The following KCND2 variants were observed in gnomAD, a reference collection of about 807,000 sequenced individuals.
KCND2 encodes the protein A-type voltage-gated potassium channel KCND2.
KCND2 carries 16 observed loss-of-function variants against 54.4 expected under a neutral mutation model. That is an observed-to-expected ratio of 0.29 (90% CI 0.20 to 0.45). The LOEUF (loss-of-function observed/expected upper bound fraction) is 0.45, where lower values mean the gene tolerates loss of function less well. Ranked by LOEUF, KCND2 falls within the 20% of genes least tolerant of loss-of-function variation. The probability of loss-of-function intolerance (pLI) is 1.00; values close to 1 mark genes in which losing one functional copy is unlikely to be tolerated. For missense variants in KCND2, 486 were observed against 824.2 expected (o/e 0.59, Z 5.02); for synonymous variants, 317 against 310.7 (o/e 1.02, Z -0.21).
intron 1 of KCND2, among the ~76,000 whole-genome samples, chr7:120,718,149 C>G (rs1377210950): frequency 2.6e-5 from 4 of 152,070 alleles, no homozygotes; most frequent in Non-Finnish European, 5.9e-5. Context: ...TTCACTTACC[C>G]CAAAGATGTA....
intron 1 of KCND2, among the ~76,000 whole-genome samples, chr7:120,429,118 G>A (rs1425907634): frequency 2.0e-5 from 3 of 152,188 alleles, no homozygotes; most frequent in Admixed American, 6.5e-5. Context: ...CAAACTCACG[G>A]TGTGGTACAC....
At chr7:120,434,480 T>C (rs956944184) in intron 1 of KCND2, among the ~76,000 whole-genome samples, 1 of 152,218 alleles carries the variant, frequency 6.6e-6, no homozygotes, top group Non-Finnish European at 1.5e-5. Flanking sequence ...GCACTCTGTC[T>C]CCGCTCCAGA....
intron 1 of KCND2, among the ~76,000 whole-genome samples, chr7:120,593,533 G>A (rs1331502720): frequency 6.6e-6 from 1 of 152,070 alleles, no homozygotes; most frequent in East Asian, 1.9e-4. Context: ...CCACCTCCTA[G>A]CTACAAACCG....
chr7:120,406,268 C>T lies in KCND2; in HGVS notation c.1115+130521C>T, dbSNP rs181623771. ...AATTCAAAGTGGTGTATTTAAAATA[C>T]ACACTTTTCTTCTAGTAATCTCAAA... On this transcript the variant is annotated intron_variant, in intron 1 of 5. Coordinates refer to ENST00000331113, the MANE Select transcript of KCND2 (RefSeq NM_012281.3). 1.6e-3 allele frequency among the ~76,000 whole-genome samples: 237 copies of T among 152,008 alleles called. 1 individual carries two copies. Among genetic ancestry groups the T allele is most frequent in the African/African-American group, 5.4e-3 (224 of 41,522 alleles).
Position 120,274,487 on chromosome 7 carries a change from A to G in KCND2, c.-146A>G, listed in dbSNP as rs972766753. 1.2e-6 allele frequency: 1 copy of G among 859,518 alleles called. No homozygotes were observed. Among genetic ancestry groups the G allele is most frequent in the South Asian group, 1.5e-5 (1 of 67,314 alleles). 53.2% of individuals were successfully genotyped at this position (859,518 alleles called of 1,614,324 possible). On this transcript the variant is annotated 5_prime_UTR_variant, in exon 1 of 6. Transcript: ENST00000331113. ...TTCTGAGAACTGTGACTTTACCAGG[A>G]GCCCTATCTTGGAATAAGAGTTACA...
chr7:120,716,442 C>A (rs182831962), intron 1 of KCND2, among the ~76,000 whole-genome samples: 4 of 151,886 alleles, frequency 2.6e-5, no homozygotes, highest in Admixed American at 2.6e-4. Flanking sequence ...TAGGCTTGTG[C>A]GGAAAGGAGA....
intron 1 of KCND2, among the ~76,000 whole-genome samples, chr7:120,483,224 G>C (rs1802632122): frequency 2.0e-5 from 3 of 152,098 alleles, no homozygotes. Context: ...TGTGTTATTT[G>C]TACCAGATCG....
chr7:120,383,230 T>A (rs1800937858), intron 1 of KCND2, among the ~76,000 whole-genome samples: 1 of 151,992 alleles, frequency 6.6e-6, no homozygotes, highest in African/African-American at 2.4e-5. Flanking sequence ...TTTTTGCTCT[T>A]TTTCATTGGC....
intron 1 of KCND2, among the ~76,000 whole-genome samples, chr7:120,603,943 T>A (rs1297362210): frequency 2.0e-5 from 3 of 152,158 alleles, no homozygotes; most frequent in African/African-American, 7.2e-5. Flanking sequence ...GGTTTTGTCA[T>A]TAAACAGACC....
In KCND2 at chr7:120,275,643, C is replaced by T. The variant is rs1799162372; in HGVS notation, c.1011C>T (p.Ile337=). 6 of 1,608,028 alleles carry T rather than the reference C, an allele frequency of 3.7e-6. No individual in the cohort carries two copies. Among genetic ancestry groups the T allele is most frequent in the Middle Eastern group, 1.6e-4 (1 of 6,062 alleles). The change falls in exon 1 of 6, where the codon ATC becomes ATT. Residue 337 remains isoleucine, a synonymous_variant. Transcript: ENST00000331113. ...TCTCGCTCACCATGGCTATCATCAT[C>T]TTCGCTACAGTTATGTTCTACGCAG... ...LLFSLTMAII[I]FATVMFYAEK...
chr7:120,603,122 A>T (rs1286084920), intron 1 of KCND2, among the ~76,000 whole-genome samples: 1 of 152,224 alleles, frequency 6.6e-6, no homozygotes, highest in East Asian at 1.9e-4. Flanking sequence ...TTGACATGTG[A>T]CCTATTAGAA....
chr7:120,496,112 T>C (rs1348158964), intron 1 of KCND2, among the ~76,000 whole-genome samples: 2 of 152,184 alleles, frequency 1.3e-5, no homozygotes, highest in Non-Finnish European at 2.9e-5. Flanking sequence ...AGCAATAGTT[T>C]AGTAAGAGGA....
intron 1 of KCND2, among the ~76,000 whole-genome samples, chr7:120,512,750 C>A (rs954973029): frequency 1.3e-5 from 2 of 151,128 alleles, no homozygotes; most frequent in Non-Finnish European, 2.9e-5. Context: ...TAGAGTCTGT[C>A]TAAACTAACT....
At chr7:120,678,713 CTATA>C (rs1433954466) in intron 1 of KCND2, among the ~76,000 whole-genome samples, 1 of 140,896 alleles carries the variant, frequency 7.1e-6, no homozygotes, top group Non-Finnish European at 1.5e-5. Context: ...AGCACTTACA[CTATA>C]TATAATGTGG....
chr7:120,444,148 T>G (rs1055105664), intron 1 of KCND2, among the ~76,000 whole-genome samples: 6 of 152,124 alleles, frequency 3.9e-5, no homozygotes, highest in African/African-American at 1.2e-4. Flanking sequence ...CACTGAGCGC[T>G]TACCACATAT....
chr7:120,400,600 CAATT>C (rs1353184683), intron 1 of KCND2, among the ~76,000 whole-genome samples: 3 of 147,978 alleles, frequency 2.0e-5, no homozygotes, highest in Non-Finnish European at 4.4e-5. Flanking sequence ...ATTATTTAAT[CAATT>C]AAAGTAAATA....
intron 1 of KCND2, among the ~76,000 whole-genome samples, chr7:120,305,988 G>A (rs1015709476): frequency 1.3e-5 from 2 of 152,100 alleles, no homozygotes; most frequent in Admixed American, 6.6e-5. Context: ...TTCAAGTGGG[G>A]ATAAATGGCT....
intron 1 of KCND2, among the ~76,000 whole-genome samples, chr7:120,626,864 A>G (rs1331521750): frequency 6.6e-6 from 1 of 152,230 alleles, no homozygotes; most frequent in African/African-American, 2.4e-5. Flanking sequence ...AAAGCATAAT[A>G]TGCTAAAGAA....
intron 1 of KCND2, among the ~76,000 whole-genome samples, chr7:120,731,994 C>CT (rs1792814088): frequency 6.6e-6 from 1 of 152,036 alleles, no homozygotes; most frequent in African/African-American, 2.4e-5. Flanking sequence ...TTAATGGGCT[C>CT]TTAGGCATCC....
Sources: allele counts gnomAD v4.1 joint callset (sites outside exome capture counted in the v4.1 genomes callset), GRCh38; gene constraint gnomAD v4.1.1; transcripts MANE v1.5; gene names NCBI Gene and HGNC (gene_info 2026-07-23, HGNC 2026-07-21).